LCOR: variants seen among roughly 807,000 people sequenced by gnomAD.
The protein encoded by LCOR is ligand-dependent corepressor.
LCOR carries 14 observed loss-of-function variants against 64.4 expected under a neutral mutation model. That is an observed-to-expected ratio of 0.22 (90% CI 0.14 to 0.34). The LOEUF (loss-of-function observed/expected upper bound fraction) is 0.34. Among genes scored for constraint, LCOR ranks in the 10% least tolerant of loss-of-function variants. The pLI is 1.00. For synonymous variants in LCOR, 643 were observed against 642.5 expected, an observed-to-expected ratio of 1.00 and a Z score of -0.01; for missense variants, 1,686 against 1,765.3, an observed-to-expected ratio of 0.96 and a Z score of 0.80.
Position 96,863,577 on chromosome 10 carries a change from A to G in LCOR, c.-330+30098A>G, listed in dbSNP as rs187973229. 2.0e-5 allele frequency among the ~76,000 whole-genome samples: 3 copies of G among 152,260 alleles called. No homozygotes were observed. In the East Asian group the frequency reaches 5.8e-4, roughly 29 times the overall value. ...GAATTGATTCTAAAAGTTTGATTGC[A>G]TTGTTAGTGCTGTGGAAACGTGAAG... On this transcript the variant is annotated intron_variant, in intron 2 of 7. Coordinates refer to ENST00000421806, the MANE Select transcript of LCOR (RefSeq NM_001346516.2).
At chr10:96,848,923 T>A (rs1331329607) in intron 2 of LCOR, among the ~76,000 whole-genome samples, 1 of 151,908 alleles carries the variant, frequency 6.6e-6, no homozygotes, top group Non-Finnish European at 1.5e-5. Flanking sequence ...TCCTTGTTTT[T>A]GTGCATATAA....
chr10:96,995,926 T>C lies in LCOR; in HGVS notation c.*10792T>C, dbSNP rs1463609261. On this transcript the variant is annotated 3_prime_UTR_variant, in exon 8 of 8. Transcript: ENST00000421806. This position sits in a 1 kb window ranked among gnomAD's most constrained non-coding sequence, Gnocchi z 4.2. Reference sequence around the variant, plus strand: ...GAGCTTTTTCAAGGCGCTTATTTTATGGCAGCGTATTAAACTTCTTTGATA... The same window carrying C: ...GAGCTTTTTCAAGGCGCTTATTTTACGGCAGCGTATTAAACTTCTTTGATA... The C allele has an allele frequency of 6.6e-6, 1 of 152,264 alleles. No individual in the cohort carries two copies. Among genetic ancestry groups the C allele is most frequent in the Non-Finnish European group, 1.5e-5 (1 of 68,044 alleles). The allele number at this position is 152,264 out of a possible 1,614,324, so 9.4% of individuals were successfully genotyped here.
At chr10:96,884,050 C>A (rs1465359474) in intron 2 of LCOR, among the ~76,000 whole-genome samples, 2 of 152,136 alleles carry the variant, frequency 1.3e-5, no homozygotes, top group East Asian at 3.9e-4. Context: ...TAATAATTCA[C>A]CTCATTTATA....
chr10:96,895,513 C>T (rs533578942), intron 2 of LCOR, among the ~76,000 whole-genome samples: 2 of 152,166 alleles, frequency 1.3e-5, no homozygotes, highest in Non-Finnish European at 2.9e-5. Context: ...TAATCTTAAA[C>T]AATATATATC....
intron 2 of LCOR, among the ~76,000 whole-genome samples, chr10:96,841,836 G>A (rs1291353691): frequency 6.6e-6 from 1 of 151,702 alleles, no homozygotes; most frequent in Non-Finnish European, 1.5e-5. Flanking sequence ...CTGGACTCAA[G>A]CAGTCCTCCC....
chr10:96,924,375 T>G (rs1171212147), intron 4 of LCOR, among the ~76,000 whole-genome samples: 3 of 149,738 alleles, frequency 2.0e-5, no homozygotes, highest in Admixed American at 1.3e-4. Flanking sequence ...GCCAATTTGT[T>G]TTTGTTTGTT....
rs147665898 is a variant in LCOR at position 96,835,495 on chromosome 10, A to G, written c.-330+2016A>G. On this transcript the variant is annotated intron_variant, in intron 2 of 7. Transcript: ENST00000421806. ...TTATTATATGTAATTTTGTTTTTTA[A>G]GAGGAGAGTTCTAAGTAAATTAATT... Among the ~76,000 whole-genome samples, 337 of 152,268 alleles carry G rather than the reference A, an allele frequency of 2.2e-3. 2 individuals carry two copies. The highest frequency in any genetic ancestry group is 7.7e-3 in the African/African-American group (322 of 41,558).
intron 4 of LCOR, among the ~76,000 whole-genome samples, chr10:96,927,472 A>G (rs939572398): frequency 6.6e-6 from 1 of 151,714 alleles, no homozygotes; most frequent in Non-Finnish European, 1.5e-5. Flanking sequence ...TTTTATCTCA[A>G]TGAAGTTTAT....
At position 96,987,559 on chromosome 10, in the gene LCOR, T is replaced by C. The variant is rs1419871063; in HGVS notation, c.*2425T>C. 1 of 152,260 alleles carries C rather than the reference T, an allele frequency of 6.6e-6. No homozygotes were observed. The highest frequency in any genetic ancestry group is 1.5e-5 in the Non-Finnish European group (1 of 68,044). 9.4% of individuals were successfully genotyped at this position (152,260 alleles called of 1,614,324 possible). On this transcript the variant is annotated 3_prime_UTR_variant, in exon 8 of 8. Transcript: ENST00000421806. ...AAAGGTGTTAATGTGTATGTATGTATTTTATATACCTAACAATGCAATGGA... is the reference window on the plus strand; with the variant it reads ...AAAGGTGTTAATGTGTATGTATGTACTTTATATACCTAACAATGCAATGGA...
intron 2 of LCOR, among the ~76,000 whole-genome samples, chr10:96,848,160 G>A (rs1267009692): frequency 1.3e-5 from 2 of 152,166 alleles, no homozygotes; most frequent in Non-Finnish European, 2.9e-5. Flanking sequence ...CTATTTTGAG[G>A]AATGTGAATA....
intron 7 of LCOR, among the ~76,000 whole-genome samples, chr10:96,966,827 CTGG>C (rs1034883421): frequency 2.6e-5 from 4 of 152,206 alleles, no homozygotes; most frequent in Admixed American, 6.5e-5. Context: ...CCTCGACCTG[CTGG>C]GCTTACGTGA....
In LCOR at chr10:96,987,474, A is replaced by C. The variant is rs1174665375; in HGVS notation, c.*2340A>C. 6 of 152,092 alleles carry C rather than the reference A, an allele frequency of 3.9e-5. No individual in the cohort carries two copies. Among genetic ancestry groups the C allele is most frequent in the Non-Finnish European group, 4.4e-5 (3 of 68,024 alleles). The allele number at this position is 152,092 out of a possible 1,614,324, so 9.4% of individuals were successfully genotyped here. Reference sequence around the variant, plus strand: ...CCATTCCTTTTCTAAGTTCTTTTTCATTTTTAAAAGCTCAGTTAAAGATAA... The same window carrying C: ...CCATTCCTTTTCTAAGTTCTTTTTCCTTTTTAAAAGCTCAGTTAAAGATAA... On this transcript the variant is annotated 3_prime_UTR_variant, in exon 8 of 8. Coordinates refer to ENST00000421806, the MANE Select transcript of LCOR (RefSeq NM_001346516.2).
chr10:96,984,453 A>G lies in LCOR; in HGVS notation c.3993A>G (p.Lys1331=), dbSNP rs754530344. The G allele has an allele frequency of 2.5e-6, 4 of 1,614,202 alleles. No homozygotes were observed. Among genetic ancestry groups the G allele is most frequent in the Non-Finnish European group, 3.4e-6 (4 of 1,180,040 alleles). ...RAQQRLIKNE[K]MECPDALAVE... The stretch of plus-strand genomic sequence containing the variant: ...AGCAACGTTTAATCAAGAATGAGAA[A>G]ATGGAATGCCCAGATGCTCTGGCTG... Residue 1331 remains lysine, a synonymous_variant, in exon 8 of 8, where the codon AAA becomes AAG. Transcript: ENST00000421806.
At chr10:96,861,350 CTT>C (rs1171701509) in intron 2 of LCOR, among the ~76,000 whole-genome samples, 1 of 152,194 alleles carries the variant, frequency 6.6e-6, no homozygotes. Context: ...TCTTCTAACA[CTT>C]ATAAATATTT....
chr10:96,948,450 CA>C (rs1383210395), intron 5 of LCOR, among the ~76,000 whole-genome samples: 2 of 152,156 alleles, frequency 1.3e-5, no homozygotes, highest in African/African-American at 2.4e-5. Context: ...GCTGTTTTTG[CA>C]AAGCTGTCAG....
chr10:96,897,505 A>G (rs942268471), intron 2 of LCOR, among the ~76,000 whole-genome samples: 12 of 152,196 alleles, frequency 7.9e-5, no homozygotes, highest in African/African-American at 2.9e-4. Context: ...CTGCCCCTGG[A>G]TTTCCAAAGA....
intron 2 of LCOR, among the ~76,000 whole-genome samples, chr10:96,866,023 A>G (rs1564608216): frequency 6.6e-6 from 1 of 152,196 alleles, no homozygotes; most frequent in Non-Finnish European, 1.5e-5. Context: ...GAGTTCATAT[A>G]AAAGGAACTA....
Position 96,983,343 on chromosome 10 carries a change from C to G in LCOR, c.2883C>G (p.Ile961Met), listed in dbSNP as rs748863230. 7.4e-6 allele frequency: 12 copies of G among 1,614,030 alleles called. No individual in the cohort carries two copies. In the South Asian group the frequency reaches 1.1e-4, roughly 15 times the overall value. The change falls in exon 8 of 8, where the codon ATC (isoleucine) becomes ATG (methionine). Residue 961 changes from isoleucine to methionine, a missense_variant. This residue lies in a region of LCOR where 1,293 missense variants were observed against 1,410.4 expected (regional missense o/e 0.92). Transcript: ENST00000421806. This position sits in a 1 kb window ranked among gnomAD's most constrained non-coding sequence, Gnocchi z 4.5. Reference sequence around the variant, plus strand: ...AAATGGATGAGAAGAATGCTCATATCCCCTCAGAAAGTATTGCTTGTAAGA... The same window carrying G: ...AAATGGATGAGAAGAATGCTCATATGCCCTCAGAAAGTATTGCTTGTAAGA... ...QSKMDEKNAHIPSESIACKRD... is the reference protein window; with the variant it reads ...QSKMDEKNAHMPSESIACKRD...
chr10:96,964,368 A>G (rs912318832), intron 7 of LCOR: 1 of 151,658 alleles, frequency 6.6e-6, no homozygotes. Flanking sequence ...AATGTTGTGT[A>G]TGGTAGTTCT....
Sources: gnomAD v4.1 joint callset for allele counts (sites outside exome capture counted in the v4.1 genomes callset) on GRCh38, gnomAD v4.1.1 for gene constraint, gnomAD v4.1.1 regional missense constraint, Gnocchi (gnomAD v3.1) non-coding constraint, MANE v1.5 for transcripts, NCBI Gene and HGNC (gene_info 2026-07-23, HGNC 2026-07-21) for gene names.